Variants in NR2F1-AS1 observed in about 807,000 individuals in gnomAD.
NR2F1-AS1 encodes NR2F1 antisense RNA 1.
intron 4 of NR2F1-AS1, among the ~76,000 whole-genome samples, chr5:93,440,315 G>A (rs1391467150): frequency 6.6e-6 from 1 of 152,178 alleles, no homozygotes; most frequent in Non-Finnish European, 1.5e-5. Context: ...TACTGGGTAT[G>A]TCTCCAAGGA....
intron 2 of NR2F1-AS1, among the ~76,000 whole-genome samples, chr5:93,561,642 G>A (rs1282831916): frequency 6.6e-6 from 1 of 151,906 alleles, no homozygotes; most frequent in African/African-American, 2.4e-5. Flanking sequence ...GCATAATGGC[G>A]CATGCCTGTG....
chr5:93,437,044 A>T lies in NR2F1-AS1; in HGVS notation n.639-41502T>A, dbSNP rs140391759. Among the ~76,000 whole-genome samples, 847 of 152,146 alleles carry T rather than the reference A, an allele frequency of 5.6e-3. 6 individuals are homozygous for T. The highest frequency in any genetic ancestry group is 0.019 in the African/African-American group (786 of 41,516). ...CACTGACCATTTGTTTTTTCATTAT[A>T]ATGTTAGCTATTCTTGGTATTCAAT... On this transcript the variant is annotated intron_variant and non_coding_transcript_variant, in intron 4 of 5. Coordinates refer to ENST00000660523, the Ensembl canonical transcript of NR2F1-AS1.
At chr5:93,543,546 A>T (rs1157753092) in intron 4 of NR2F1-AS1, 1 of 152,212 alleles carries the variant, frequency 6.6e-6, no homozygotes, top group South Asian at 2.1e-4. Context: ...GATAAGAAAA[A>T]AAAAATGACT....
chr5:93,554,257 ATTG>A (rs1287522451), intron 3 of NR2F1-AS1, among the ~76,000 whole-genome samples: 2 of 152,218 alleles, frequency 1.3e-5, no homozygotes, highest in Non-Finnish European at 2.9e-5. Flanking sequence ...ATTACAGAAT[ATTG>A]TTGTTAATGT....
At chr5:93,535,391 A>G (rs1430242592) in intron 4 of NR2F1-AS1, among the ~76,000 whole-genome samples, 1 of 151,832 alleles carries the variant, frequency 6.6e-6, no homozygotes, top group Admixed American at 6.5e-5. Context: ...AAATAGAAAC[A>G]GAAGTCCTTA....
At chr5:93,574,707 AT>A (rs1285391563) in intron 1 of NR2F1-AS1, among the ~76,000 whole-genome samples, 1 of 151,650 alleles carries the variant, frequency 6.6e-6, no homozygotes, top group Non-Finnish European at 1.5e-5. Context: ...CCTTTCTTAT[AT>A]TTTTTTTCTT....
intron 4 of NR2F1-AS1, among the ~76,000 whole-genome samples, chr5:93,418,384 T>C (rs1226276968): frequency 6.6e-6 from 1 of 151,860 alleles, no homozygotes; most frequent in Non-Finnish European, 1.5e-5. Flanking sequence ...GTCAGGAGAT[T>C]GAAACCATCC....
chr5:93,578,779 T>C (rs888628193), intron 1 of NR2F1-AS1, among the ~76,000 whole-genome samples: 2 of 152,196 alleles, frequency 1.3e-5, no homozygotes, highest in African/African-American at 4.8e-5. Context: ...TGGACAAGTA[T>C]GTAGGATTTC....
At chr5:93,557,439 C>A (rs1752382996) in intron 2 of NR2F1-AS1, among the ~76,000 whole-genome samples, 1 of 152,114 alleles carries the variant, frequency 6.6e-6, no homozygotes, top group Non-Finnish European at 1.5e-5. Flanking sequence ...GCAAACATTG[C>A]ACAAAGCAAG....
At chr5:93,520,034 C>T (rs942987990) in intron 4 of NR2F1-AS1, among the ~76,000 whole-genome samples, 19 of 151,958 alleles carry the variant, frequency 1.3e-4, no homozygotes, top group Non-Finnish European at 2.2e-4. Context: ...TTTAAAAAGA[C>T]AAATTCACAT....
intron 1 of NR2F1-AS1, among the ~76,000 whole-genome samples, chr5:93,574,202 C>T (rs566853730): frequency 6.6e-6 from 1 of 152,038 alleles, no homozygotes; most frequent in Admixed American, 6.5e-5. Flanking sequence ...ACTAGAAGAG[C>T]AAGTGGGAGT....
In NR2F1-AS1 at chr5:93,450,499, T is replaced by C. The variant is rs867819677; in HGVS notation, n.639-54957A>G. Among the ~76,000 whole-genome samples, 8 of 152,158 alleles carry C rather than the reference T, an allele frequency of 5.3e-5. No homozygotes were observed. The South Asian group carries it at 1.5e-3, about 28-fold the overall frequency. On this transcript the variant is annotated intron_variant and non_coding_transcript_variant, in intron 4 of 5. Transcript: ENST00000660523. ...TACTCTAAGCAAAATATTTCCATACTCTCAATTATCTTTTCCTTAACATTT... is the reference window on the plus strand; with the variant it reads ...TACTCTAAGCAAAATATTTCCATACCCTCAATTATCTTTTCCTTAACATTT...
At chr5:93,544,163 G>A (rs1206097519) in intron 4 of NR2F1-AS1, 2 of 152,048 alleles carry the variant, frequency 1.3e-5, no homozygotes, top group Non-Finnish European at 2.9e-5. Context: ...CTAAAGATAA[G>A]TGGGAACTCA....
chr5:93,469,369 T>C (rs990016193), intron 4 of NR2F1-AS1, among the ~76,000 whole-genome samples: 4 of 152,136 alleles, frequency 2.6e-5, no homozygotes, highest in African/African-American at 9.7e-5. Flanking sequence ...AAAAGGTTCA[T>C]TAATACTAAG....
At chr5:93,494,041 G>T (rs971690582) in intron 4 of NR2F1-AS1, among the ~76,000 whole-genome samples, 1 of 152,034 alleles carries the variant, frequency 6.6e-6, no homozygotes, top group African/African-American at 2.4e-5. Context: ...GGATATTACA[G>T]AATGGGAAAA....
At chr5:93,543,611 G>T (rs1752006864) in intron 4 of NR2F1-AS1, 1 of 152,054 alleles carries the variant, frequency 6.6e-6, no homozygotes, top group African/African-American at 2.4e-5. Context: ...TCTAATATAT[G>T]TTTACTCTTG....
At chr5:93,584,174 G>C (rs1197391263), upstream of NR2F1-AS1, 5 of 148,718 alleles carry the variant, frequency 3.4e-5, no homozygotes, top group East Asian at 2.0e-4. Context: ...GCGGCGCCGC[G>C]GGCGGCCCCG....
At chr5:93,450,380 G>A (rs745366950) in intron 4 of NR2F1-AS1, among the ~76,000 whole-genome samples, 18 of 151,936 alleles carry the variant, frequency 1.2e-4, no homozygotes, top group South Asian at 2.1e-4. Flanking sequence ...ATGAAATTTC[G>A]TTTTATAACA....
rs180968854 is a variant in NR2F1-AS1 at position 93,542,187 on chromosome 5, T to C, written n.638+11574A>G. Reference sequence around the variant, plus strand: ...TACTCATGAAGAACAAAAACTGGCTTAGAAAATTTTCTGTAATTGGAATGT... The same window carrying C: ...TACTCATGAAGAACAAAAACTGGCTCAGAAAATTTTCTGTAATTGGAATGT... On this transcript the variant is annotated intron_variant and non_coding_transcript_variant, in intron 4 of 5. Coordinates refer to ENST00000660523, the Ensembl canonical transcript of NR2F1-AS1. 373 of 150,756 alleles carry C rather than the reference T, an allele frequency of 2.5e-3. 1 individual carries two copies. Among genetic ancestry groups the C allele is most frequent in the African/African-American group, 8.8e-3 (360 of 40,916 alleles). 9.3% of individuals were successfully genotyped at this position (150,756 alleles called of 1,614,324 possible).
Sources: gnomAD v4.1 joint callset for allele counts (sites outside exome capture counted in the v4.1 genomes callset) on GRCh38, gnomAD v4.1.1 for gene constraint, MANE v1.5 for transcripts, NCBI Gene and HGNC (gene_info 2026-07-23, HGNC 2026-07-21) for gene names.